The following GUCA1C variants were observed in gnomAD, a reference collection of about 807,000 sequenced individuals.
GUCA1C encodes the protein guanylate cyclase activator 1C, also known as guanylyl cyclase-activating protein 3.
Under a neutral mutation model 16.2 loss-of-function variants are expected in GUCA1C, and 15 were observed. The observed-to-expected ratio is 0.93, with a 90% confidence interval of 0.62 to 1.43. The LOEUF (loss-of-function observed/expected upper bound fraction) is 1.43. Among genes scored for constraint, GUCA1C ranks in the 40% most tolerant of loss-of-function variants. GUCA1C has a pLI of 0.00. For synonymous variants in GUCA1C, 78 were observed against 85.4 expected (o/e 0.91, Z 0.48); for missense variants, 275 against 244.8 (o/e 1.12, Z -0.82).
intron 1 of GUCA1C, among the ~76,000 whole-genome samples, chr3:108,941,293 C>A (rs947485171): frequency 2.6e-5 from 4 of 152,182 alleles, no homozygotes; most frequent in Non-Finnish European, 5.9e-5. Flanking sequence ...GCTGAAGCTG[C>A]TAACTGAAAA....
chr3:108,923,633 G>C (rs1694106642), intron 1 of GUCA1C, among the ~76,000 whole-genome samples: 1 of 152,000 alleles, frequency 6.6e-6, no homozygotes, highest in African/African-American at 2.4e-5. Flanking sequence ...AGCTATGCAG[G>C]CTTTTTTTTG....
At chr3:108,931,847 CA>C (rs1197951507) in intron 1 of GUCA1C, among the ~76,000 whole-genome samples, 6 of 144,028 alleles carry the variant, frequency 4.2e-5, no homozygotes, top group Admixed American at 3.5e-4. Flanking sequence ...TCCAAGGGAA[CA>C]GTTTTTTTTC....
At position 108,912,891 on chromosome 3, in the gene GUCA1C, C is replaced by T. The variant is rs573934950; in HGVS notation, c.442+3236G>A. Among the ~76,000 whole-genome samples, 29 of 152,164 alleles carry T rather than the reference C, an allele frequency of 1.9e-4. No individual in the cohort carries two copies. The South Asian group carries it at 3.3e-3, about 17-fold the overall frequency. On this transcript the variant is annotated intron_variant, in intron 3 of 3. Coordinates refer to ENST00000261047, the MANE Select transcript of GUCA1C (RefSeq NM_005459.4). ...ATAGGAAATATCAAAGTAAACAAAACGGAAATGGTTCTGGCCTTTGTGGAG... is the reference window on the plus strand; with the variant it reads ...ATAGGAAATATCAAAGTAAACAAAATGGAAATGGTTCTGGCCTTTGTGGAG...
At chr3:108,908,358 A>AC (rs200585844) in intron 3 of GUCA1C, 149 bp from the exon 4 acceptor site, 33 of 202,610 alleles carry the variant, frequency 1.6e-4, no homozygotes, top group African/African-American at 4.4e-4. Context: ...CATTTAAACA[A>AC]AAAAAAAAAA....
At chr3:108,928,852 G>A (rs1388194368) in intron 1 of GUCA1C, among the ~76,000 whole-genome samples, 1 of 152,136 alleles carries the variant, frequency 6.6e-6, no homozygotes, top group Non-Finnish European at 1.5e-5. Context: ...TTTACGGTAA[G>A]TCTTGAAGTC....
At chr3:108,952,318 T>C (rs1484673245) in intron 1 of GUCA1C, among the ~76,000 whole-genome samples, 1 of 152,238 alleles carries the variant, frequency 6.6e-6, no homozygotes, top group Non-Finnish European at 1.5e-5. Flanking sequence ...AAGCGGAATC[T>C]GTCACATTTT....
chr3:108,952,171 G>A (rs1453059255), intron 1 of GUCA1C, among the ~76,000 whole-genome samples: 1 of 152,206 alleles, frequency 6.6e-6, no homozygotes, highest in Non-Finnish European at 1.5e-5. Flanking sequence ...AAAGAGTGAA[G>A]CACAGAGAAT....
At chr3:108,924,990 T>C (rs1946608749) in intron 1 of GUCA1C, among the ~76,000 whole-genome samples, 1 of 152,202 alleles carries the variant, frequency 6.6e-6, no homozygotes, top group African/African-American at 2.4e-5. Context: ...CTGTTTCATT[T>C]CTAATTGAGC....
intron 1 of GUCA1C, among the ~76,000 whole-genome samples, chr3:108,952,907 A>AT (rs1050786106): frequency 1.4e-4 from 20 of 142,012 alleles, no homozygotes; most frequent in Non-Finnish European, 3.1e-4. Context: ...TCTTCTTTGT[A>AT]TTTTTTCAAG....
At chr3:108,924,144 T>A (rs940867558) in intron 1 of GUCA1C, among the ~76,000 whole-genome samples, 5 of 152,176 alleles carry the variant, frequency 3.3e-5, no homozygotes, top group African/African-American at 1.2e-4. Flanking sequence ...CCTTTATTTC[T>A]TTCTCTTGTC....
chr3:108,950,854 T>C (rs1946889676), intron 1 of GUCA1C, among the ~76,000 whole-genome samples: 1 of 152,012 alleles, frequency 6.6e-6, no homozygotes, highest in African/African-American at 2.4e-5. Context: ...AAAGCACAAA[T>C]TTTCAGGGTT....
chr3:108,950,149 G>A (rs754233734), intron 1 of GUCA1C, among the ~76,000 whole-genome samples: 3 of 152,116 alleles, frequency 2.0e-5, no homozygotes, highest in Non-Finnish European at 4.4e-5. Flanking sequence ...TGCATTACTT[G>A]TCTTTCTGTG....
chr3:108,908,235 G>A, intron 3 of GUCA1C, 26 bp from the exon 4 acceptor site: 1 of 1,527,572 alleles, frequency 6.5e-7, no homozygotes, highest in Non-Finnish European at 9.1e-7. Context: ...CAGTTAATAA[G>A]AGGCTTTGTC....
chr3:108,933,483 TA>T (rs1469177196), intron 1 of GUCA1C, among the ~76,000 whole-genome samples: 1 of 152,192 alleles, frequency 6.6e-6, no homozygotes, highest in Non-Finnish European at 1.5e-5. Flanking sequence ...GGCTCCATTA[TA>T]TATTGTGAAT....
chr3:108,916,420 T>A (rs1447227516), intron 2 of GUCA1C, among the ~76,000 whole-genome samples: 1 of 152,170 alleles, frequency 6.6e-6, no homozygotes, highest in African/African-American at 2.4e-5. Flanking sequence ...GAATAAAGAC[T>A]GAAGCCCTAT....
At chr3:108,920,713 A>G (rs1440611874) in intron 1 of GUCA1C, 128 bp from the exon 2 acceptor site, 4 of 571,852 alleles carry the variant, frequency 7.0e-6, no homozygotes, top group Non-Finnish European at 1.2e-5. Flanking sequence ...TTCAGCATAA[A>G]ACTTTTCCCT....
Position 108,953,757 on chromosome 3 carries a change from C to T in GUCA1C, c.6G>A (p.Gly2=), listed in dbSNP as rs748756774. 24 of 1,610,640 alleles carry T rather than the reference C, an allele frequency of 1.5e-5. No individual in the cohort carries two copies. The highest frequency in any genetic ancestry group is 1.7e-6 in the Non-Finnish European group (2 of 1,176,968). The stretch of plus-strand genomic sequence containing the variant: ...GATCACCAGCTATAGATTTGCCATT[C>T]CCCATCTTGACTCACAGTCTACAGC... The part of the protein sequence containing the change: M[G]NGKSIAGDQK... The change falls in exon 1 of 4, where the codon GGG becomes GGA. Residue 2 remains glycine, a synonymous_variant. Transcript: ENST00000261047.
upstream of GUCA1C, among the ~76,000 whole-genome samples, chr3:108,954,984 A>T (rs1576561236): frequency 6.6e-6 from 1 of 152,060 alleles, no homozygotes; most frequent in Non-Finnish European, 1.5e-5. Context: ...GATCCGCCTC[A>T]GCCTCCCAAA....
intron 1 of GUCA1C, among the ~76,000 whole-genome samples, chr3:108,931,655 G>A (rs1002273175): frequency 3.9e-5 from 6 of 152,116 alleles, no homozygotes; most frequent in African/African-American, 7.2e-5. Flanking sequence ...AGTGTTGGAG[G>A]GGGTTTAGGG....
Sources: allele counts gnomAD v4.1 joint callset (sites outside exome capture counted in the v4.1 genomes callset), GRCh38; gene constraint gnomAD v4.1.1; transcripts MANE v1.5; gene names NCBI Gene and HGNC (gene_info 2026-07-23, HGNC 2026-07-21).